ZNF133: variants seen among roughly 807,000 people sequenced by gnomAD.
ZNF133 encodes the protein zinc finger protein 133 (clone pHZ-13).
ZNF133 carries 26 observed loss-of-function variants against 54.9 expected under a neutral mutation model. The observed-to-expected ratio is 0.47, with a 90% CI of 0.35 to 0.66. The LOEUF is 0.66. ZNF133 is among the 30% of genes least tolerant of loss of function. The pLI, the probability that ZNF133 is intolerant of heterozygous loss-of-function variation, is 0.01. For synonymous variants in ZNF133, 298 were observed against 320.3 expected (o/e 0.93, Z 0.74); for missense variants, 653 against 820.8 (o/e 0.80, Z 2.50).
chr20:18,297,744 T>A (rs1195443154), intron 1 of ZNF133, among the ~76,000 whole-genome samples: 1 of 152,160 alleles, frequency 6.6e-6, no homozygotes, highest in Non-Finnish European at 1.5e-5. Context: ...TGGTGCATCC[T>A]TTGGGGTTTC....
intron 6 of ZNF133, chr20:18,313,496 G>C (rs1215507914): frequency 6.6e-6 from 1 of 152,170 alleles, no homozygotes; most frequent in Non-Finnish European, 1.5e-5. Flanking sequence ...GACAGACACA[G>C]GAGTTCCTTT....
chr20:18,306,459 G>A (rs1408086846), intron 6 of ZNF133, 66 bp downstream of exon 6: 1 of 1,515,988 alleles, frequency 6.6e-7, no homozygotes, highest in East Asian at 2.3e-5. Context: ...GGGGAGAGGA[G>A]GCGTTGCTCA....
intron 3 of ZNF133, among the ~76,000 whole-genome samples, chr20:18,303,391 C>G (rs1426307509): frequency 6.6e-6 from 1 of 152,036 alleles, no homozygotes; most frequent in Admixed American, 6.6e-5. Context: ...AACCAATCTA[C>G]AGAGTCAATG....
At chr20:18,306,271 T>C (rs1185002758) in intron 5 of ZNF133, 27 bp from the exon 6 acceptor site, 1 of 1,601,346 alleles carries the variant, frequency 6.2e-7, no homozygotes, top group South Asian at 1.1e-5. Flanking sequence ...CATAACCTAG[T>C]TACTTATTTT....
At chr20:18,304,012 T>A (rs980852072) in intron 3 of ZNF133, among the ~76,000 whole-genome samples, 6 of 152,176 alleles carry the variant, frequency 3.9e-5, no homozygotes, top group African/African-American at 1.2e-4. Context: ...ACATATCTGA[T>A]AAGGGATTAA....
In ZNF133 at chr20:18,316,357, C is replaced by T; in HGVS notation, c.1506C>T (p.Gly502=). The T allele has an allele frequency of 6.2e-7, 1 of 1,614,108 alleles. No homozygotes were observed. Among genetic ancestry groups the T allele is most frequent in the East Asian group, 2.2e-5 (1 of 44,862 alleles). The change falls in exon 7 of 7, where the codon GGC becomes GGT. Residue 502 remains glycine (G), a synonymous_variant. Coordinates refer to ENST00000425686, the MANE Select transcript of ZNF133 (RefSeq NM_001352452.2). Reference sequence around the variant, plus strand: ...TGGTGTGTGGGGAGTGCGGGCGAGGCTTCAGCCAGAAGTCAAACCTTGTTG... The same window carrying T: ...TGGTGTGTGGGGAGTGCGGGCGAGGTTTCAGCCAGAAGTCAAACCTTGTTG... ...KPMVCGECGR[G]FSQKSNLVAH... is the part of the protein sequence containing the mutation.
In ZNF133 at chr20:18,291,383, T is replaced by G. The variant is rs79450400; in HGVS notation, c.-432+2779T>G. Reference sequence around the variant, plus strand: ...GGCCACAATCAGTTCTCAGCAACATTTGATGTAATTGTTTACATCCTCCTT... The same window carrying G: ...GGCCACAATCAGTTCTCAGCAACATGTGATGTAATTGTTTACATCCTCCTT... On this transcript the variant is annotated intron_variant, in intron 1 of 6. Transcript: ENST00000425686. Among the ~76,000 whole-genome samples, 802 of 152,368 alleles carry G rather than the reference T, an allele frequency of 5.3e-3. 7 individuals carry two copies. The highest frequency in any genetic ancestry group is 0.018 in the African/African-American group (756 of 41,596).
chr20:18,299,076 TA>T (rs2042830802), intron 3 of ZNF133, among the ~76,000 whole-genome samples: 1 of 151,748 alleles, frequency 6.6e-6, no homozygotes, highest in Non-Finnish European at 1.5e-5. Context: ...ATGAGGAAAA[TA>T]TGACCCATTC....
At chr20:18,299,139 A>G (rs1160667888) in intron 3 of ZNF133, among the ~76,000 whole-genome samples, 2 of 152,250 alleles carry the variant, frequency 1.3e-5, no homozygotes, top group African/African-American at 4.8e-5. Flanking sequence ...AAGGCCAGAT[A>G]GTGTACTTAC....
chr20:18,305,235 T>A lies in ZNF133; in HGVS notation c.-7+57T>A, dbSNP rs926945463. On this transcript the variant is annotated intron_variant, in intron 4 of 6. Coordinates refer to ENST00000425686, the MANE Select transcript of ZNF133 (RefSeq NM_001352452.2). This position sits in a 1 kb window ranked among gnomAD's most constrained non-coding sequence, Gnocchi z 4.7. ...AGGTGGGTCTGAAACTCAGGCACCA[T>A]GATTCCAGGGCTTCACTACTCTCTG... is the stretch of plus-strand genomic sequence containing the variant. The A allele has an allele frequency of 2.0e-6, 2 of 982,170 alleles. No homozygotes were observed. The highest frequency in any genetic ancestry group is 2.4e-6 in the Non-Finnish European group (2 of 825,998). 60.8% of individuals were successfully genotyped at this position (982,170 alleles called of 1,614,324 possible).
intron 3 of ZNF133, among the ~76,000 whole-genome samples, chr20:18,302,853 A>G (rs569011663): frequency 6.6e-6 from 1 of 152,328 alleles, no homozygotes; most frequent in East Asian, 1.9e-4. Flanking sequence ...AATCAGTTGC[A>G]TATCTATACA....
In ZNF133 at chr20:18,315,384, G is replaced by A. The variant is rs746497907; in HGVS notation, c.533G>A (p.Arg178Gln). ...RPPQRQPVSSRNGLRGVELEA... is the reference protein window; with the variant it reads ...RPPQRQPVSSQNGLRGVELEA... ...CCCCAGAGGCAGCCAGTCAGCTCTC[G>A]GAACGGCCTCAGAGGGGTGGAGTTA... The change falls in exon 7 of 7, where the codon CGG becomes CAG. Residue 178 changes from arginine (R) to glutamine (Q), a missense_variant. Arg to Gln is a conservative substitution (Grantham distance 43). Around this residue, in one of 4 missense-constraint regions of ZNF133, gnomAD observed 227 missense variants for 233.9 expected, o/e 0.97. Coordinates refer to ENST00000425686, the MANE Select transcript of ZNF133 (RefSeq NM_001352452.2). 20 of 1,614,056 alleles carry A rather than the reference G, an allele frequency of 1.2e-5. No homozygotes were observed. The highest frequency in any genetic ancestry group is 3.3e-5 in the South Asian group (3 of 91,078).
At chr20:18,294,181 A>G (rs1042359119) in intron 1 of ZNF133, among the ~76,000 whole-genome samples, 1 of 152,204 alleles carries the variant, frequency 6.6e-6, no homozygotes, top group African/African-American at 2.4e-5. Flanking sequence ...AGACATAACA[A>G]TATCATGAAC....
In ZNF133 at chr20:18,298,031, A is replaced by G; in HGVS notation, c.-385A>G. 3 of 1,535,468 alleles carry G rather than the reference A, an allele frequency of 2.0e-6. No individual in the cohort carries two copies. The highest frequency in any genetic ancestry group is 2.6e-6 in the Non-Finnish European group (3 of 1,146,786). On this transcript the variant is annotated 5_prime_UTR_variant, in exon 2 of 7. Transcript: ENST00000425686. Reference sequence around the variant, plus strand: ...CCTTCTTCAGGGAGATAAGGAAAAAAAGCCACAGGGTCCCGGAGAGCCAGG... The same window carrying G: ...CCTTCTTCAGGGAGATAAGGAAAAAGAGCCACAGGGTCCCGGAGAGCCAGG...
chr20:18,289,665 G>C (rs146818940), intron 1 of ZNF133, among the ~76,000 whole-genome samples: 6 of 152,244 alleles, frequency 3.9e-5, no homozygotes, highest in Admixed American at 2.6e-4. Context: ...AGCATCTATC[G>C]TATTGGGTTG....
Position 18,316,048 on chromosome 20 carries a change from CCACCAGAGGA to C in ZNF133, c.1201_1210del (p.Gln401ThrfsTer162), listed in dbSNP as rs2047384246. 6.2e-7 allele frequency: 1 copy of C among 1,608,358 alleles called. No individual in the cohort carries two copies. Among genetic ancestry groups the C allele is most frequent in the Admixed American group, 1.7e-5 (1 of 59,398 alleles). On this transcript the variant is annotated frameshift_variant, in exon 7 of 7. Coordinates refer to ENST00000425686, the MANE Select transcript of ZNF133 (RefSeq NM_001352452.2). LOFTEE classifies it high-confidence loss of function. The stretch of plus-strand genomic sequence containing the variant: ...TCAGGCAGAGGACCACCCTTGTCAA[CCACCAGAGGA>C]CACACTCAAAGGAGAAGCCCTATGT...
At position 18,315,952 on chromosome 20, in the gene ZNF133, A is replaced by C; in HGVS notation, c.1101A>C (p.Ser367=). ...SDCGLGFSDR[S]NLISHQRTHS... is the part of the protein sequence containing the mutation. ...GTGGCCTGGGCTTCAGCGACAGGTCAAACCTCATCTCCCACCAGAGGACGC... is the reference window on the plus strand; with the variant it reads ...GTGGCCTGGGCTTCAGCGACAGGTCCAACCTCATCTCCCACCAGAGGACGC... Residue 367 remains serine (S), a synonymous_variant, in exon 7 of 7, where the codon TCA becomes TCC. Coordinates refer to ENST00000425686, the MANE Select transcript of ZNF133 (RefSeq NM_001352452.2). The C allele has an allele frequency of 6.2e-7, 1 of 1,613,018 alleles. No individual in the cohort carries two copies. The highest frequency in any genetic ancestry group is 1.3e-5 in the African/African-American group (1 of 74,584).
intron 6 of ZNF133, chr20:18,313,557 G>T (rs1262735788): frequency 6.6e-6 from 1 of 152,158 alleles, no homozygotes; most frequent in Non-Finnish European, 1.5e-5. Flanking sequence ...ATGTATGAAG[G>T]TAAGCCAAGG....
Position 18,316,193 on chromosome 20 carries a change from A to G in ZNF133, c.1342A>G (p.Ser448Gly), listed in dbSNP as rs2047418933. ...TTGTGGGGTGTGTGGGCGAGGCTTTAGTCTCAAGTCACACCTCAACAGACA... is the reference window on the plus strand; with the variant it reads ...TTGTGGGGTGTGTGGGCGAGGCTTTGGTCTCAAGTCACACCTCAACAGACA... Reference protein sequence around the residue: ...YVCGVCGRGFSLKSHLNRHQN... With the variant: ...YVCGVCGRGFGLKSHLNRHQN... The change falls in exon 7 of 7, where the codon AGT (serine) becomes GGT (glycine). Residue 448 changes from serine to glycine, a missense_variant. Ser to Gly is a moderately conservative substitution (Grantham distance 56). Transcript: ENST00000425686. 1 of 1,608,860 alleles carries G rather than the reference A, an allele frequency of 6.2e-7. No homozygotes were observed. The highest frequency in any genetic ancestry group is 1.3e-5 in the African/African-American group (1 of 74,808).
Sources: gnomAD v4.1 joint callset for allele counts (sites outside exome capture counted in the v4.1 genomes callset) on GRCh38, gnomAD v4.1.1 for gene constraint, gnomAD v4.1.1 regional missense constraint, Gnocchi (gnomAD v3.1) non-coding constraint, MANE v1.5 for transcripts, NCBI Gene and HGNC (gene_info 2026-07-23, HGNC 2026-07-21) for gene names.